SMAD3: variants seen among roughly 807,000 people sequenced by gnomAD.
The protein encoded by SMAD3 is MAD homolog 3.
Under a neutral mutation model 51.8 loss-of-function variants are expected in SMAD3, and 12 were observed. The ratio of observed to expected loss-of-function variants is 0.23; its 90% CI spans 0.15 to 0.38. The LOEUF (loss-of-function observed/expected upper bound fraction) is 0.38. SMAD3 is among the 10% of genes least tolerant of loss of function. SMAD3 has a pLI of 1.00. For missense variants in SMAD3, 294 were observed against 565.6 expected (o/e 0.52, Z 4.87); for synonymous variants, 238 against 227.7 (o/e 1.05, Z -0.41).
At chr15:67,183,990 A>G (rs1187264356) in intron 6 of SMAD3, among the ~76,000 whole-genome samples, 1 of 152,156 alleles carries the variant, frequency 6.6e-6, no homozygotes, top group Non-Finnish European at 1.5e-5. Context: ...GAGTGTGAAG[A>G]GACCAAATAA....
At chr15:67,072,529 A>G (rs1447191805) in intron 1 of SMAD3, among the ~76,000 whole-genome samples, 3 of 152,242 alleles carry the variant, frequency 2.0e-5, no homozygotes, top group African/African-American at 4.8e-5. Context: ...TTGACTGATT[A>G]AAACAAAAGC....
At chr15:67,080,558 T>C (rs2140203865) in intron 1 of SMAD3, among the ~76,000 whole-genome samples, 1 of 152,342 alleles carries the variant, frequency 6.6e-6, no homozygotes, top group East Asian at 1.9e-4. Flanking sequence ...AGCAGAGACT[T>C]CTGGGACCTG....
chr15:67,180,582 C>T (rs958639075), intron 5 of SMAD3, among the ~76,000 whole-genome samples: 2 of 150,576 alleles, frequency 1.3e-5, no homozygotes, highest in South Asian at 4.3e-4. Flanking sequence ...TGATAGGAGG[C>T]ATGGCCCCAG....
intron 1 of SMAD3, among the ~76,000 whole-genome samples, chr15:67,080,237 C>T (rs1276599711): frequency 6.6e-6 from 1 of 152,138 alleles, no homozygotes; most frequent in African/African-American, 2.4e-5. Flanking sequence ...AAAGGACTTG[C>T]CCAAGGTCAT....
intron 1 of SMAD3, among the ~76,000 whole-genome samples, chr15:67,142,335 G>T (rs577170823): frequency 6.6e-6 from 1 of 151,858 alleles, no homozygotes; most frequent in Non-Finnish European, 1.5e-5. Flanking sequence ...CATGGTTTGC[G>T]TGGAATTGTA....
intron 1 of SMAD3, among the ~76,000 whole-genome samples, chr15:67,148,778 G>A (rs1227732406): frequency 2.0e-5 from 3 of 152,180 alleles, no homozygotes; most frequent in Admixed American, 6.5e-5. Flanking sequence ...TATTTCCTAC[G>A]TCTTCTGAAA....
intron 5 of SMAD3, among the ~76,000 whole-genome samples, chr15:67,180,465 G>A (rs1205322391): frequency 6.6e-6 from 1 of 151,352 alleles, no homozygotes; most frequent in Non-Finnish European, 1.5e-5. Flanking sequence ...AGCCCCTAAT[G>A]GAGACTGTAC....
chr15:67,103,617 T>C (rs1684910816), intron 1 of SMAD3, among the ~76,000 whole-genome samples: 2 of 152,312 alleles, frequency 1.3e-5, no homozygotes, highest in African/African-American at 2.4e-5. Context: ...TCAGCCCAGC[T>C]ACCCTTTCCA....
intron 1 of SMAD3, chr15:67,143,049 C>T (rs1961875544): frequency 4.8e-6 from 1 of 210,352 alleles, no homozygotes; most frequent in Non-Finnish European, 1.0e-5. Flanking sequence ...TCTCTAATGC[C>T]AGCTTGAAAT....
chr15:67,134,780 C>T (rs1026255229), intron 1 of SMAD3, among the ~76,000 whole-genome samples: 2 of 152,180 alleles, frequency 1.3e-5, no homozygotes, highest in African/African-American at 4.8e-5. Flanking sequence ...CCAATGATAA[C>T]CTATTATCGT....
intron 1 of SMAD3, among the ~76,000 whole-genome samples, chr15:67,091,282 A>G (rs1214836060): frequency 6.6e-6 from 1 of 152,214 alleles, no homozygotes; most frequent in Non-Finnish European, 1.5e-5. Context: ...GATTTCCCAG[A>G]TGGCTTCCAG....
At chr15:67,163,944 TAAAAAAA>T (rs57803788) in intron 1 of SMAD3, among the ~76,000 whole-genome samples, 1 of 87,918 alleles carries the variant, frequency 1.1e-5, no homozygotes, top group Admixed American at 1.5e-4. Context: ...GTATCAAAAG[TAAAAAAA>T]AAAAAAAAAA....
At chr15:67,066,577 G>A (rs765214935) in intron 1 of SMAD3, among the ~76,000 whole-genome samples, 1 of 152,252 alleles carries the variant, frequency 6.6e-6, no homozygotes, top group East Asian at 1.9e-4. Flanking sequence ...AGAGCCCGAG[G>A]CTTCCACGCG....
At chr15:67,124,265 A>G (rs895621421) in intron 1 of SMAD3, among the ~76,000 whole-genome samples, 2 of 152,204 alleles carry the variant, frequency 1.3e-5, no homozygotes, top group Non-Finnish European at 2.9e-5. Context: ...GTAAGATTAC[A>G]GGCATATGCC....
chr15:67,068,210 G>C (rs576926945), intron 1 of SMAD3, among the ~76,000 whole-genome samples: 79 of 152,348 alleles, frequency 5.2e-4, no homozygotes, highest in African/African-American at 1.8e-3. Flanking sequence ...TTAAAAGAGA[G>C]AGGTGAAAAG....
intron 8 of SMAD3, among the ~76,000 whole-genome samples, chr15:67,189,506 G>A (rs1467804947): frequency 1.3e-5 from 2 of 152,366 alleles, no homozygotes; most frequent in Non-Finnish European, 2.9e-5. Flanking sequence ...GTGGCCCACC[G>A]CGTCACCGCT....
chr15:67,169,450 G>A (rs1019843610), intron 4 of SMAD3, among the ~76,000 whole-genome samples: 9 of 151,982 alleles, frequency 5.9e-5, no homozygotes, highest in African/African-American at 2.2e-4. Context: ...TCATGGGGTG[G>A]AATTAGACCC....
At chr15:67,078,512 A>T (rs1413841713) in intron 1 of SMAD3, among the ~76,000 whole-genome samples, 1 of 152,216 alleles carries the variant, frequency 6.6e-6, no homozygotes, top group Non-Finnish European at 1.5e-5. Context: ...ATATTCCTTA[A>T]TGAGAGACTA....
At chr15:67,078,420 A>T (rs1960216301) in intron 1 of SMAD3, among the ~76,000 whole-genome samples, 1 of 152,216 alleles carries the variant, frequency 6.6e-6, no homozygotes, top group Non-Finnish European at 1.5e-5. Context: ...TTCCAATTCC[A>T]GACCACACTG....
Sources: allele counts gnomAD v4.1 joint callset (sites outside exome capture counted in the v4.1 genomes callset), GRCh38; gene constraint gnomAD v4.1.1; transcripts MANE v1.5; gene names NCBI Gene and HGNC (gene_info 2026-07-23, HGNC 2026-07-21).